Variants in BBX observed in about 807,000 individuals in gnomAD.
BBX encodes BBX high mobility group box domain containing.
A neutral mutation model predicts 100.2 loss-of-function variants in BBX; 30 were observed. The observed-to-expected ratio is 0.30, with a 90% CI of 0.22 to 0.41. BBX has a LOEUF of 0.41. BBX is among the 10% of genes least tolerant of loss of function. The pLI, the probability that BBX is intolerant of heterozygous loss-of-function variation, is 1.00. For synonymous variants in BBX, 376 were observed against 388.1 expected, an observed-to-expected ratio of 0.97 and a Z score of 0.37; for missense variants, 1,023 against 1,129.8, an observed-to-expected ratio of 0.91 and a Z score of 1.35.
chr3:107,801,125 G>T lies in BBX; in HGVS notation c.2582G>T (p.Ser861Ile). ...DDKPKEQLQR[S>I]LPKATETDCN... ...AAACCAAAGGAACAACTGCAGAGGAGTCTCCCTAAAGCAACTGAGACAGAC... is the reference window on the plus strand; with the variant it reads ...AAACCAAAGGAACAACTGCAGAGGATTCTCCCTAAAGCAACTGAGACAGAC... Residue 861 changes from serine (S) to isoleucine (I), a missense_variant, in exon 17 of 18, where the codon AGT (serine) becomes ATT (isoleucine). Ser to Ile is a moderately radical substitution (Grantham distance 142). Around this residue, in one of 9 missense-constraint regions of BBX, gnomAD observed 104 missense variants for 132.2 expected, o/e 0.79. Transcript: ENST00000325805. 6.2e-7 allele frequency: 1 copy of T among 1,614,180 alleles called. No homozygotes were observed. Among genetic ancestry groups the T allele is most frequent in the Non-Finnish European group, 8.5e-7 (1 of 1,180,020 alleles).
At position 107,526,316 on chromosome 3, in the gene BBX, A is replaced by G. The variant is rs2047775428; in HGVS notation, c.-155-11A>G. On this transcript the variant is annotated splice_polypyrimidine_tract_variant and intron_variant, in intron 1 of 17. Coordinates refer to ENST00000325805, the MANE Select transcript of BBX (RefSeq NM_001142568.3). ...TATACTGATGATGTACCTTTATTTG[A>G]TACTTTATAGGTCACTATCATATGA... 26 of 398,458 alleles carry G rather than the reference A, an allele frequency of 6.5e-5. No homozygotes were observed. The East Asian group carries it at 9.3e-4, about 14-fold the overall frequency. 24.7% of individuals were successfully genotyped at this position (398,458 alleles called of 1,614,324 possible).
intron 2 of BBX, among the ~76,000 whole-genome samples, chr3:107,619,279 A>T (rs2055549942): frequency 1.3e-5 from 2 of 151,956 alleles, no homozygotes; most frequent in Admixed American, 6.5e-5. Flanking sequence ...ATTATATTTG[A>T]AGTAAGTTTC....
rs535200559 is a variant in BBX, at chr3:107,605,118, A to T, written c.-83-40718A>T. On this transcript the variant is annotated intron_variant, in intron 2 of 17. Transcript: ENST00000325805. ...CATTCTCCTGACCTATTGGCATAAC[A>T]CCTTTATTTTAAAAGGAAATGTGTT... 2.0e-5 allele frequency among the ~76,000 whole-genome samples: 3 copies of T among 152,258 alleles called. No homozygotes were observed. The East Asian group carries it at 5.8e-4, about 29-fold the overall frequency.
At chr3:107,701,968 G>A (rs1226322682) in intron 3 of BBX, among the ~76,000 whole-genome samples, 1 of 152,154 alleles carries the variant, frequency 6.6e-6, no homozygotes, top group East Asian at 1.9e-4. Flanking sequence ...TCATCAGTAG[G>A]AGTTGAGAAA....
intron 2 of BBX, among the ~76,000 whole-genome samples, chr3:107,642,846 A>G (rs1484925333): frequency 1.3e-5 from 2 of 152,122 alleles, no homozygotes; most frequent in African/African-American, 4.8e-5. Flanking sequence ...AAATAATTGC[A>G]GTCCAGAATG....
At chr3:107,531,933 G>T (rs531707724) in intron 2 of BBX, among the ~76,000 whole-genome samples, 1 of 152,184 alleles carries the variant, frequency 6.6e-6, no homozygotes, top group South Asian at 2.1e-4. Flanking sequence ...CAAGACACAT[G>T]TGTAATCCCA....
chr3:107,723,520 C>G (rs1475374065), intron 5 of BBX, among the ~76,000 whole-genome samples: 2 of 151,856 alleles, frequency 1.3e-5, no homozygotes, highest in East Asian at 3.9e-4. Flanking sequence ...ATTAACTTGT[C>G]ATTTACATTA....
rs568564852 is a variant in BBX at position 107,550,010 on chromosome 3, T to G, written c.-84+23612T>G. ...TATGGGAATAAATACTTTCTTTTCC[T>G]CCTTATTCATTCATTTATACATTCA... On this transcript the variant is annotated intron_variant, in intron 2 of 17. Coordinates refer to ENST00000325805, the MANE Select transcript of BBX (RefSeq NM_001142568.3). Among the ~76,000 whole-genome samples, 5 of 152,234 alleles carry G rather than the reference T, an allele frequency of 3.3e-5. No individual in the cohort carries two copies. The East Asian group carries it at 5.8e-4, about 18-fold the overall frequency.
chr3:107,769,231 C>CAGACAGAT (rs745763748), intron 10 of BBX, among the ~76,000 whole-genome samples: 1,500 of 98,566 alleles, frequency 0.015, 24 homozygotes, highest in East Asian at 0.033. Flanking sequence ...GATAGATAGA[C>CAGACAGAT]AGATAGATAG....
At chr3:107,530,384 CCAAAA>C (rs56337631) in intron 2 of BBX, among the ~76,000 whole-genome samples, 5,009 of 149,902 alleles carry the variant, frequency 0.033, 109 homozygotes, top group African/African-American at 0.049. Context: ...GACTCTGTCT[CCAAAA>C]CAAAACAAAA....
At position 107,593,713 on chromosome 3, in the gene BBX, A is replaced by G. The variant is rs1458233131; in HGVS notation, c.-83-52123A>G. ...ATAGGATGCAACCTAATTCCGCCCA[A>G]GGGAAATGGGCAAACTGTGATTTCT... On this transcript the variant is annotated intron_variant, in intron 2 of 17. Transcript: ENST00000325805. Among the ~76,000 whole-genome samples, 3 of 152,338 alleles carry G rather than the reference A, an allele frequency of 2.0e-5. No individual in the cohort carries two copies. In the East Asian group the frequency reaches 5.8e-4, roughly 29 times the overall value.
chr3:107,612,949 T>C (rs1246949954), intron 2 of BBX, among the ~76,000 whole-genome samples: 1 of 152,138 alleles, frequency 6.6e-6, no homozygotes, highest in Non-Finnish European at 1.5e-5. Context: ...AAGCTGGCAC[T>C]GAAACCACAA....
At chr3:107,777,611 A>T (rs970185033) in intron 12 of BBX, among the ~76,000 whole-genome samples, 1 of 152,186 alleles carries the variant, frequency 6.6e-6, no homozygotes, top group Non-Finnish European at 1.5e-5. Flanking sequence ...GCATGTTGCC[A>T]TTGCTGTGGG....
intron 3 of BBX, among the ~76,000 whole-genome samples, chr3:107,689,646 G>C (rs575449017): frequency 6.6e-6 from 1 of 152,254 alleles, no homozygotes; most frequent in South Asian, 2.1e-4. Flanking sequence ...TCCCTCCTCA[G>C]TGTATTTAGT....
At chr3:107,646,897 A>T (rs1020622473) in intron 3 of BBX, among the ~76,000 whole-genome samples, 2 of 152,156 alleles carry the variant, frequency 1.3e-5, no homozygotes, top group Non-Finnish European at 2.9e-5. Flanking sequence ...TGATGTCAGT[A>T]TAAATATAAG....
intron 1 of BBX, among the ~76,000 whole-genome samples, chr3:107,524,936 C>T (rs1324007159): frequency 6.6e-6 from 1 of 151,786 alleles, no homozygotes; most frequent in Admixed American, 6.6e-5. Context: ...GTCCAGTTCT[C>T]TTCTCCCGGC....
intron 2 of BBX, among the ~76,000 whole-genome samples, chr3:107,535,522 G>A (rs2048431993): frequency 2.0e-5 from 3 of 151,256 alleles, no homozygotes; most frequent in Admixed American, 2.0e-4. Flanking sequence ...TATATCAGTA[G>A]AAATTATTTA....
rs1025791950 is a variant in BBX, at chr3:107,659,871, A to G, written c.-10+13962A>G. Reference sequence around the variant, plus strand: ...CTAGCAAGAGGTTTATGGCAGGATAAATTAAGAGGGACGTATAATATGACA... The same window carrying G: ...CTAGCAAGAGGTTTATGGCAGGATAGATTAAGAGGGACGTATAATATGACA... On this transcript the variant is annotated intron_variant, in intron 3 of 17. Transcript: ENST00000325805. 5 of 598,172 alleles carry G rather than the reference A, an allele frequency of 8.4e-6. No individual in the cohort carries two copies. In the Admixed American group the frequency reaches 1.3e-4, roughly 15 times the overall value. 37.1% of individuals were successfully genotyped at this position (598,172 alleles called of 1,614,324 possible).
At chr3:107,629,784 G>T (rs2056433656) in intron 2 of BBX, among the ~76,000 whole-genome samples, 1 of 152,094 alleles carries the variant, frequency 6.6e-6, no homozygotes, top group African/African-American at 2.4e-5. Context: ...CATAGGAAAG[G>T]GCATGATGAA....
Sources: allele counts gnomAD v4.1 joint callset (sites outside exome capture counted in the v4.1 genomes callset), GRCh38; gene constraint gnomAD v4.1.1; regional missense constraint gnomAD v4.1.1; transcripts MANE v1.5; gene names NCBI Gene and HGNC (gene_info 2026-07-23, HGNC 2026-07-21).